Variants in TMEM168 observed in about 807,000 individuals in gnomAD.
TMEM168 encodes the protein transmembrane protein 168.
In TMEM168, 40 loss-of-function variants were observed where a neutral mutation model predicts 53.2. The ratio of observed to expected loss-of-function variants is 0.75; its 90% CI spans 0.58 to 0.98. The LOEUF (loss-of-function observed/expected upper bound fraction) is 0.98, where lower values mean the gene tolerates loss of function less well. Ranked by LOEUF, TMEM168 falls within the 50% of genes least tolerant of loss-of-function variation. TMEM168 has a pLI of 0.00. For missense variants in TMEM168, 771 were observed against 828.8 expected (o/e 0.93, Z 0.86); for synonymous variants, 282 against 293.0 (o/e 0.96, Z 0.38).
Position 112,773,023 on chromosome 7 carries a change from T to G in TMEM168, c.1304A>C (p.Glu435Ala), listed in dbSNP as rs750243383. ...CCTCAAATTTAACTCCTGTACATGT[T>G]CTGGGGGAAGCAGTGTTGGCTGACC... ...PDGQPTLLPP[E>A]HVQELNLRST... is the part of the protein sequence containing the mutation. The change falls in exon 4 of 5, where the codon GAA becomes GCA. Residue 435 changes from glutamate to alanine, a missense_variant. Coordinates refer to ENST00000312814, the MANE Select transcript of TMEM168 (RefSeq NM_022484.6). The G allele has an allele frequency of 1.2e-6, 2 of 1,610,112 alleles. No individual in the cohort carries two copies. The highest frequency in any genetic ancestry group is 1.7e-6 in the Non-Finnish European group (2 of 1,176,812).
Position 112,766,711 on chromosome 7 carries a change from G to A in TMEM168, c.*486C>T, listed in dbSNP as rs1259407508. The A allele has an allele frequency of 1.3e-5, 2 of 153,250 alleles. No individual in the cohort carries two copies. Among genetic ancestry groups the A allele is most frequent in the African/African-American group, 4.8e-5 (2 of 41,454 alleles). The allele number at this position is 153,250 out of a possible 1,614,324, so 9.5% of individuals were successfully genotyped here. ...TTAGGCTGCCCTCTTTCTTTTCTAA[G>A]AGAAAGAGTTTGCAGTTCTTCAAAT... On this transcript the variant is annotated 3_prime_UTR_variant, in exon 5 of 5. Coordinates refer to ENST00000312814, the MANE Select transcript of TMEM168 (RefSeq NM_022484.6).
Position 112,766,187 on chromosome 7 carries a change from ACT to A in TMEM168, c.*1008_*1009del, listed in dbSNP as rs1257553477. 6.6e-6 allele frequency: 1 copy of A among 152,510 alleles called. No individual in the cohort carries two copies. Among genetic ancestry groups the A allele is most frequent in the African/African-American group, 2.4e-5 (1 of 41,454 alleles). The allele number at this position is 152,510 out of a possible 1,614,324, so 9.4% of individuals were successfully genotyped here. On this transcript the variant is annotated 3_prime_UTR_variant, in exon 5 of 5. Transcript: ENST00000312814. ...CCTAACTAAAATTGCCAATATGAAT[ACT>A]TTTTTACAGAATACATTACATGTAT...
rs749359698 is a variant in TMEM168, at chr7:112,772,879, G to T, written c.1448C>A (p.Ala483Asp). The T allele has an allele frequency of 5.0e-6, 8 of 1,614,080 alleles. No individual in the cohort carries two copies. The Admixed American group carries it at 1.2e-4, about 24-fold the overall frequency. Residue 483 changes from alanine (A) to aspartate (D), a missense_variant, in exon 4 of 5, where the codon GCT becomes GAT. Ala to Asp is a moderately radical substitution (Grantham distance 126). Transcript: ENST00000312814. Reference sequence around the variant, plus strand: ...ATCCACTGTCCGAAGTTCGAGGAAAGCTTTTAGTTTGGAATGCAGAGTATC... The same window carrying T: ...ATCCACTGTCCGAAGTTCGAGGAAATCTTTTAGTTTGGAATGCAGAGTATC... ...SFDTLHSKLK[A>D]FLELRTVDGP...
intron 1 of TMEM168, chr7:112,788,575 A>G (rs1245247188): frequency 1.3e-5 from 2 of 152,204 alleles, no homozygotes; most frequent in Non-Finnish European, 2.9e-5. Context: ...AAAACATTAC[A>G]TTCCTTTTCA....
At chr7:112,770,052 A>C (rs542496921) in intron 4 of TMEM168, among the ~76,000 whole-genome samples, 10 of 152,348 alleles carry the variant, frequency 6.6e-5, no homozygotes, top group African/African-American at 2.4e-4. Flanking sequence ...AAAACAAAAC[A>C]AAAAATCCCC....
intron 1 of TMEM168, among the ~76,000 whole-genome samples, chr7:112,789,936 GACC>G (rs1261835441): frequency 6.6e-6 from 1 of 152,162 alleles, no homozygotes; most frequent in Admixed American, 6.5e-5. Flanking sequence ...CGGAGAACGC[GACC>G]ACAACGTGGC....
chr7:112,782,709 T>C (rs1229898032), intron 2 of TMEM168, among the ~76,000 whole-genome samples: 3 of 152,130 alleles, frequency 2.0e-5, no homozygotes, highest in Non-Finnish European at 4.4e-5. Context: ...AACACACTTC[T>C]AGAAATCACT....
rs767008793 is a variant in TMEM168 at position 112,783,954 on chromosome 7, C to G, written c.872G>C (p.Trp291Ser). The G allele has an allele frequency of 7.5e-6, 12 of 1,610,064 alleles. No homozygotes were observed. Among genetic ancestry groups the G allele is most frequent in the African/African-American group, 1.3e-5 (1 of 74,618 alleles). Residue 291 changes from tryptophan to serine, a missense_variant, in exon 2 of 5, where the codon TGG becomes TCG. Transcript: ENST00000312814. ...SAFKLRDTHL[W>S]YFVIPGFSIF... ...GGAAAAGCCAGGTATTACAAAATAC[C>G]AGAGGTGAGTGTCTCTAAGTTTGAA...
In TMEM168 at chr7:112,783,698, C is replaced by T. The variant is rs930446291; in HGVS notation, c.1128G>A (p.Gln376=). 6.7e-7 allele frequency: 1 copy of T among 1,482,374 alleles called. No homozygotes were observed. Among genetic ancestry groups the T allele is most frequent in the African/African-American group, 1.4e-5 (1 of 70,014 alleles). The allele number at this position is 1,482,374 out of a possible 1,614,324, so 91.8% of individuals were successfully genotyped here. The change falls in exon 2 of 5, where the codon CAG becomes CAA. Residue 376 remains glutamine, a splice_region_variant and synonymous_variant. Transcript: ENST00000312814. ...GTTGCTGGACAAACAATAAGCTTAC[C>T]TGCCAGGAAACTGCTCCCAAAATCG... is the stretch of plus-strand genomic sequence containing the variant. ...ATAILGAVSW[Q]PTNGIFLSMF... is the part of the protein sequence containing the mutation.
chr7:112,766,722 T>C lies in TMEM168; in HGVS notation c.*475A>G, dbSNP rs1312052508. 1.3e-5 allele frequency: 2 copies of C among 153,396 alleles called. No individual in the cohort carries two copies. The highest frequency in any genetic ancestry group is 2.9e-5 in the Non-Finnish European group (2 of 68,652). 9.5% of individuals were successfully genotyped at this position (153,396 alleles called of 1,614,324 possible). ...TCTTTCTTTTCTAAGAGAAAGAGTT[T>C]GCAGTTCTTCAAATGGTCTTGGATG... On this transcript the variant is annotated 3_prime_UTR_variant, in exon 5 of 5. Coordinates refer to ENST00000312814, the MANE Select transcript of TMEM168 (RefSeq NM_022484.6).
intron 1 of TMEM168, among the ~76,000 whole-genome samples, chr7:112,785,573 G>C (rs1173115734): frequency 6.6e-6 from 1 of 152,106 alleles, no homozygotes; most frequent in Non-Finnish European, 1.5e-5. Context: ...AAATTACTTT[G>C]ATTACTAAAC....
Position 112,764,257 on chromosome 7 carries a change from CAT to C in TMEM168, c.*2938_*2939del, listed in dbSNP as rs1339188403. 1 of 151,734 alleles carries C rather than the reference CAT, an allele frequency of 6.6e-6. No homozygotes were observed. The highest frequency in any genetic ancestry group is 1.5e-5 in the Non-Finnish European group (1 of 67,940). 9.4% of individuals were successfully genotyped at this position (151,734 alleles called of 1,614,324 possible). ...GTTTTGTGGTTTTAGCAAGGTATCA[CAT>C]GAGGAAACAAATACTAAACAAAGTT... On this transcript the variant is annotated 3_prime_UTR_variant, in exon 5 of 5. Transcript: ENST00000312814.
intron 1 of TMEM168, among the ~76,000 whole-genome samples, chr7:112,785,356 C>T (rs1793349684): frequency 6.6e-6 from 1 of 152,236 alleles, no homozygotes; most frequent in Non-Finnish European, 1.5e-5. Flanking sequence ...ATCGTTACCT[C>T]TAATTTGAAA....
intron 1 of TMEM168, among the ~76,000 whole-genome samples, chr7:112,787,816 T>C (rs1030373688): frequency 1.4e-5 from 2 of 138,688 alleles, no homozygotes; most frequent in Admixed American, 8.0e-5. Context: ...CACCGCAACC[T>C]CTGCCTCCCG....
chr7:112,775,635 CTT>C (rs1241857529), intron 2 of TMEM168, among the ~76,000 whole-genome samples: 1 of 151,150 alleles, frequency 6.6e-6, no homozygotes, highest in East Asian at 1.9e-4. Flanking sequence ...CAAAACCACT[CTT>C]TGATATAACA....
At chr7:112,787,381 G>T (rs1793411396) in intron 1 of TMEM168, among the ~76,000 whole-genome samples, 1 of 151,502 alleles carries the variant, frequency 6.6e-6, no homozygotes, top group Non-Finnish European at 1.5e-5. Context: ...ATTCTTTTTT[G>T]GGGGGAGGGG....
At chr7:112,781,135 AAGAC>A (rs1030919082) in intron 2 of TMEM168, among the ~76,000 whole-genome samples, 17 of 151,954 alleles carry the variant, frequency 1.1e-4, no homozygotes, top group South Asian at 4.1e-4. Context: ...AAAAAAAAAA[AAGAC>A]AGAATTGAAA....
intron 2 of TMEM168, among the ~76,000 whole-genome samples, chr7:112,780,807 C>T (rs760526731): frequency 6.6e-5 from 10 of 151,938 alleles, no homozygotes; most frequent in Admixed American, 2.0e-4. Context: ...TGTCTAGGAA[C>T]GGAAAACAGG....
At chr7:112,785,638 C>T (rs181306700) in intron 1 of TMEM168, among the ~76,000 whole-genome samples, 3 of 152,024 alleles carry the variant, frequency 2.0e-5, no homozygotes, top group East Asian at 3.8e-4. Flanking sequence ...TGACAAATTC[C>T]GAGTCAAAAA....
Sources: allele counts gnomAD v4.1 joint callset (sites outside exome capture counted in the v4.1 genomes callset), GRCh38; gene constraint gnomAD v4.1.1; transcripts MANE v1.5; gene names NCBI Gene and HGNC (gene_info 2026-07-23, HGNC 2026-07-21).